L3MBTL4: variants seen among roughly 807,000 people sequenced by gnomAD.
L3MBTL4 encodes lethal(3)malignant brain tumor-like protein 4.
A neutral mutation model predicts 84.5 loss-of-function variants in L3MBTL4; 70 were observed. That is an observed-to-expected ratio of 0.83 (90% confidence interval 0.68 to 1.01). L3MBTL4 has a LOEUF of 1.01. Ranked by LOEUF, L3MBTL4 falls within the 50% of genes least tolerant of loss-of-function variation. The probability of loss-of-function intolerance (pLI) is 0.00; values close to 1 mark genes in which losing one functional copy is unlikely to be tolerated. For missense variants in L3MBTL4, 715 were observed against 754.8 expected, an observed-to-expected ratio of 0.95 and a Z score of 0.62; for synonymous variants, 274 against 259.8, an observed-to-expected ratio of 1.05 and a Z score of -0.52.
chr18:6,274,719 T>C (rs7239432), intron 4 of L3MBTL4, among the ~76,000 whole-genome samples: 25,727 of 152,106 alleles, frequency 0.17, 2,215 homozygotes, highest in Middle Eastern at 0.22. Context: ...GGGATCACGG[T>C]ATAGAATAAG....
intron 1 of L3MBTL4, among the ~76,000 whole-genome samples, chr18:6,380,789 T>A (rs1188674899): frequency 6.6e-6 from 1 of 152,230 alleles, no homozygotes; most frequent in Non-Finnish European, 1.5e-5. Flanking sequence ...ATAATGTATA[T>A]TCTGTTGATT....
chr18:6,072,865 C>CAAAAAAAAAAAAAA (rs71370542), intron 16 of L3MBTL4, among the ~76,000 whole-genome samples: 3 of 3,064 alleles, frequency 9.8e-4, no homozygotes, highest in Non-Finnish European at 7.6e-4. Context: ...GACTCCGTCT[C>CAAAAAAAAAAAAAA]AAAAAAAAAA....
At chr18:6,085,180 T>G (rs1039520999) in intron 15 of L3MBTL4, among the ~76,000 whole-genome samples, 1 of 152,152 alleles carries the variant, frequency 6.6e-6, no homozygotes, top group Admixed American at 6.6e-5. Context: ...TTCCATAATA[T>G]TCATATGAAA....
chr18:6,228,333 T>A (rs2046859249), intron 10 of L3MBTL4, among the ~76,000 whole-genome samples: 1 of 152,110 alleles, frequency 6.6e-6, no homozygotes, highest in African/African-American at 2.4e-5. Flanking sequence ...TGTGAACTTC[T>A]GATAGGAAAA....
At chr18:6,254,296 T>C (rs1050666802) in intron 5 of L3MBTL4, among the ~76,000 whole-genome samples, 3 of 151,892 alleles carry the variant, frequency 2.0e-5, no homozygotes, top group Admixed American at 2.0e-4. Flanking sequence ...TAAATAATAA[T>C]ACACATTTGG....
intron 16 of L3MBTL4, among the ~76,000 whole-genome samples, chr18:5,997,160 G>A (rs1016930801): frequency 2.0e-5 from 3 of 150,726 alleles, no homozygotes; most frequent in Non-Finnish European, 2.9e-5. Flanking sequence ...GCTGTGTTAG[G>A]TATAAGTAAT....
intron 16 of L3MBTL4, among the ~76,000 whole-genome samples, chr18:5,978,230 TCACC>T (rs1169053519): frequency 1.3e-5 from 2 of 152,288 alleles, no homozygotes; most frequent in East Asian, 1.9e-4. Flanking sequence ...ACATGAAATC[TCACC>T]CACTCCTCAA....
At chr18:6,206,730 A>G (rs940388484) in intron 12 of L3MBTL4, among the ~76,000 whole-genome samples, 2 of 152,182 alleles carry the variant, frequency 1.3e-5, no homozygotes, top group Non-Finnish European at 2.9e-5. Flanking sequence ...GAGGGTTATC[A>G]ACTGATAGGA....
intron 1 of L3MBTL4, among the ~76,000 whole-genome samples, chr18:6,314,677 T>C (rs909068741): frequency 6.6e-6 from 1 of 152,250 alleles, no homozygotes; most frequent in African/African-American, 2.4e-5. Flanking sequence ...GTCTGCATGT[T>C]GCCAAATACT....
intron 4 of L3MBTL4, among the ~76,000 whole-genome samples, chr18:6,278,622 C>T (rs2146552391): frequency 6.6e-6 from 1 of 152,206 alleles, no homozygotes; most frequent in African/African-American, 2.4e-5. Flanking sequence ...TCACCTTTTT[C>T]TGTGACCTGG....
chr18:6,369,003 C>G (rs2144146779), intron 1 of L3MBTL4, among the ~76,000 whole-genome samples: 1 of 151,440 alleles, frequency 6.6e-6, no homozygotes, highest in Middle Eastern at 3.4e-3. Flanking sequence ...GATCTCGCCA[C>G]TGCACTCCAG....
chr18:6,276,696 T>C, intron 4 of L3MBTL4, among the ~76,000 whole-genome samples: 1 of 141,474 alleles, frequency 7.1e-6, no homozygotes, highest in African/African-American at 2.6e-5. Context: ...TCATAAATTC[T>C]AGTGGGTGAA....
At chr18:6,373,657 G>C (rs769734843) in intron 1 of L3MBTL4, among the ~76,000 whole-genome samples, 1 of 151,958 alleles carries the variant, frequency 6.6e-6, no homozygotes, top group Admixed American at 6.6e-5. Flanking sequence ...ATTATGCACC[G>C]TACAAAATAC....
At chr18:6,023,183 T>G (rs1338804622) in intron 16 of L3MBTL4, among the ~76,000 whole-genome samples, 2 of 152,190 alleles carry the variant, frequency 1.3e-5, no homozygotes, top group Non-Finnish European at 2.9e-5. Flanking sequence ...AAAGAAATCA[T>G]TTATGTGGCT....
At chr18:6,111,460 C>T (rs768858734) in intron 14 of L3MBTL4, among the ~76,000 whole-genome samples, 2 of 152,190 alleles carry the variant, frequency 1.3e-5, no homozygotes, top group Non-Finnish European at 2.9e-5. Context: ...CAGAGCAATG[C>T]TGCTCTGCTA....
In L3MBTL4 at chr18:6,384,019, CT is replaced by C. The variant is rs779097203; in HGVS notation, c.-91+30781del. Among the ~76,000 whole-genome samples the C allele has an allele frequency of 8.1e-4, 123 of 152,306 alleles. 1 individual carries two copies. In the Middle Eastern group the frequency reaches 0.01, roughly 13 times the overall value. On this transcript the variant is annotated intron_variant, in intron 1 of 18. Transcript: ENST00000317931. ...CACTCCAAACCTACCAAATCAGAAT[CT>C]CTAAGGGTGGAAGCCCAATAACTGA...
chr18:6,319,284 GAA>G (rs1205438158), intron 1 of L3MBTL4, among the ~76,000 whole-genome samples: 1 of 151,484 alleles, frequency 6.6e-6, no homozygotes, highest in Non-Finnish European at 1.5e-5. Flanking sequence ...AGAACTAAGT[GAA>G]ATAGAAACAA....
chr18:6,194,916 T>C (rs1316995111), intron 12 of L3MBTL4, among the ~76,000 whole-genome samples: 1 of 152,230 alleles, frequency 6.6e-6, no homozygotes, highest in African/African-American at 2.4e-5. Flanking sequence ...AGGAGGAGTC[T>C]GCTCAAAACA....
intron 16 of L3MBTL4, among the ~76,000 whole-genome samples, chr18:6,077,757 G>A (rs903433627): frequency 3.3e-5 from 5 of 150,978 alleles, no homozygotes; most frequent in East Asian, 3.9e-4. Context: ...CTGGCTGGGC[G>A]CAGTGGCTCA....
Sources: allele counts gnomAD v4.1 joint callset (sites outside exome capture counted in the v4.1 genomes callset), GRCh38; gene constraint gnomAD v4.1.1; transcripts MANE v1.5; gene names NCBI Gene and HGNC (gene_info 2026-07-23, HGNC 2026-07-21).